Variants in ERO1B observed in about 807,000 individuals in gnomAD.
The protein encoded by ERO1B is ERO1-like protein beta.
A neutral mutation model predicts 75.3 loss-of-function variants in ERO1B; 49 were observed. The observed-to-expected ratio is 0.65, with a 90% CI of 0.52 to 0.83. ERO1B has a LOEUF of 0.83. Among genes scored for constraint, ERO1B ranks in the 40% least tolerant of loss-of-function variants. The pLI, the probability that ERO1B is intolerant of heterozygous loss-of-function variation, is 0.00. For synonymous variants in ERO1B, 191 were observed against 192.9 expected, an observed-to-expected ratio of 0.99 and a Z score of 0.08; for missense variants, 512 against 560.1, an observed-to-expected ratio of 0.91 and a Z score of 0.87.
At chr1:236,264,254 C>T (rs1665366243) in intron 2 of ERO1B, among the ~76,000 whole-genome samples, 1 of 151,990 alleles carries the variant, frequency 6.6e-6, no homozygotes. Context: ...ATTACAGGCA[C>T]ACGCCACCAT....
intron 8 of ERO1B, among the ~76,000 whole-genome samples, 178 bp from the exon 9 acceptor site, chr1:236,233,017 T>C (rs1303702553): frequency 6.6e-6 from 1 of 152,062 alleles, no homozygotes; most frequent in Non-Finnish European, 1.5e-5. Context: ...AGTATAAGAT[T>C]TGCACATTTT....
chr1:236,263,135 A>T (rs1726667), intron 2 of ERO1B, among the ~76,000 whole-genome samples: 37,890 of 152,044 alleles, frequency 0.25, 4,908 homozygotes, highest in East Asian at 0.38. Flanking sequence ...CCAAGAGTAT[A>T]CCCTAACTAA....
At chr1:236,261,843 G>A (rs968423665) in intron 2 of ERO1B, among the ~76,000 whole-genome samples, 1 of 152,272 alleles carries the variant, frequency 6.6e-6, no homozygotes. Flanking sequence ...AAGCAGAGGT[G>A]GGAGGATCAG....
chr1:236,275,192 C>G (rs1316878387), intron 1 of ERO1B, among the ~76,000 whole-genome samples: 1 of 152,214 alleles, frequency 6.6e-6, no homozygotes, highest in Non-Finnish European at 1.5e-5. Flanking sequence ...CAATTCAATT[C>G]TGACACTATC....
chr1:236,280,210 G>A (rs1308214725), intron 1 of ERO1B, among the ~76,000 whole-genome samples: 1 of 152,126 alleles, frequency 6.6e-6, no homozygotes, highest in Non-Finnish European at 1.5e-5. Flanking sequence ...GAAGTTTCTA[G>A]ACAGATAAGC....
rs188072045 is a variant in ERO1B at position 236,230,561 on chromosome 1, G to A, written c.686-311C>T. ...CAGGAGGCTAAGGTTGCTGTGAGCC[G>A]AGATCATACCACTGCCCTCCAGCCT... On this transcript the variant is annotated intron_variant, in intron 9 of 15. Transcript: ENST00000354619. 3.7e-3 allele frequency among the ~76,000 whole-genome samples: 493 copies of A among 132,774 alleles called. 3 individuals are homozygous for A. Among genetic ancestry groups the A allele is most frequent in the Middle Eastern group, 5.9e-3 (1 of 170 alleles). 87.1% of individuals were successfully genotyped at this position (132,774 alleles called of 152,430 possible).
intron 15 of ERO1B, among the ~76,000 whole-genome samples, chr1:236,219,685 A>G (rs1192211812): frequency 1.3e-5 from 2 of 152,150 alleles, no homozygotes; most frequent in African/African-American, 4.8e-5. Flanking sequence ...CTACATAGTC[A>G]TCTTTAAATA....
intron 4 of ERO1B, among the ~76,000 whole-genome samples, chr1:236,250,705 C>CATAT (rs35945937): frequency 4.1e-5 from 6 of 147,444 alleles, no homozygotes; most frequent in African/African-American, 1.5e-4. Flanking sequence ...TATACACACA[C>CATAT]ATATATATAT....
At chr1:236,264,381 T>C (rs1413995281) in intron 2 of ERO1B, among the ~76,000 whole-genome samples, 1 of 152,192 alleles carries the variant, frequency 6.6e-6, no homozygotes, top group Non-Finnish European at 1.5e-5. Flanking sequence ...CGTGCCGGGA[T>C]TACAGGCAGA....
intron 2 of ERO1B, among the ~76,000 whole-genome samples, chr1:236,264,177 T>G (rs186185624): frequency 3.9e-5 from 6 of 152,350 alleles, no homozygotes; most frequent in African/African-American, 1.4e-4. Context: ...CTTGGCTCAC[T>G]GCAACCTCTA....
At chr1:236,276,540 T>C (rs1413896837) in intron 1 of ERO1B, among the ~76,000 whole-genome samples, 1 of 152,056 alleles carries the variant, frequency 6.6e-6, no homozygotes, top group African/African-American at 2.4e-5. Context: ...TGATGAGTTG[T>C]GAAAAAATGC....
chr1:236,256,629 T>C (rs577840788), intron 2 of ERO1B, among the ~76,000 whole-genome samples: 1 of 152,214 alleles, frequency 6.6e-6, no homozygotes, highest in East Asian at 1.9e-4. Flanking sequence ...AGTCTCCCCC[T>C]GCTAGGGGGG....
intron 1 of ERO1B, among the ~76,000 whole-genome samples, chr1:236,277,528 C>T (rs189980828): frequency 2.8e-4 from 42 of 151,948 alleles, no homozygotes; most frequent in Admixed American, 4.6e-4. Context: ...GAGCGGCAAA[C>T]AAGGAATGAG....
intron 4 of ERO1B, chr1:236,251,561 A>C: frequency 1.7e-6 from 1 of 577,398 alleles, no homozygotes; most frequent in Non-Finnish European, 2.2e-6. Context: ...GATGCGCAGT[A>C]GTGAAAAACA....
chr1:236,230,905 G>A (rs897671347), intron 9 of ERO1B, among the ~76,000 whole-genome samples: 3 of 151,548 alleles, frequency 2.0e-5, no homozygotes, highest in African/African-American at 7.3e-5. Context: ...ATCCAACCTG[G>A]GCAACATAGC....
Position 236,257,560 on chromosome 1 carries a change from C to CAAA in ERO1B, c.223-4058_223-4056dup, listed in dbSNP as rs57151086. On this transcript the variant is annotated intron_variant, in intron 2 of 15. Transcript: ENST00000354619. ...AATGAAGAAATAGGGAAATATGCTC[C>CAAA]AAAAAAAAAAAAGAACAAGACAATC... 6.7e-4 allele frequency among the ~76,000 whole-genome samples: 84 copies of CAAA among 125,542 alleles called. 1 individual carries two copies. The highest frequency in any genetic ancestry group is 3.1e-3 in the East Asian group (9 of 2,906). The allele number at this position is 125,542 out of a possible 152,430, so 82.4% of individuals were successfully genotyped here. A position where few individuals can be genotyped will look rare whatever the true frequency, so the allele number is the denominator to read the frequency against.
chr1:236,266,331 T>C (rs1313267014), intron 2 of ERO1B, among the ~76,000 whole-genome samples: 1 of 152,228 alleles, frequency 6.6e-6, no homozygotes, highest in African/African-American at 2.4e-5. Context: ...TGGTTGGGCA[T>C]GGTGGCTCAC....
At chr1:236,280,247 G>T (rs535268868) in intron 1 of ERO1B, among the ~76,000 whole-genome samples, 1 of 152,300 alleles carries the variant, frequency 6.6e-6, no homozygotes, top group East Asian at 1.9e-4. Flanking sequence ...TATATAAAAA[G>T]AGAAAATGGG....
intron 5 of ERO1B, among the ~76,000 whole-genome samples, chr1:236,245,337 TATAC>T (rs1664825800): frequency 3.1e-5 from 1 of 31,812 alleles, no homozygotes; most frequent in Non-Finnish European, 1.1e-4. Context: ...CACGTATATA[TATAC>T]GTATATATAT....
Sources: allele counts gnomAD v4.1 joint callset (sites outside exome capture counted in the v4.1 genomes callset), GRCh38; gene constraint gnomAD v4.1.1; transcripts MANE v1.5; gene names NCBI Gene and HGNC (gene_info 2026-07-23, HGNC 2026-07-21).